CERS6: variants seen among roughly 807,000 people sequenced by gnomAD.
The protein encoded by CERS6 is LAG1 homolog, ceramide synthase 6.
CERS6 carries 26 observed loss-of-function variants against 56.8 expected under a neutral mutation model. The observed-to-expected ratio is 0.46, with a 90% confidence interval of 0.34 to 0.63. CERS6 has a LOEUF of 0.63. Among genes scored for constraint, CERS6 ranks in the 30% least tolerant of loss-of-function variants. The pLI is 0.01. For missense variants in CERS6, 415 were observed against 467.5 expected (o/e 0.89, Z 1.04); for synonymous variants, 164 against 173.3 (o/e 0.95, Z 0.42).
intron 1 of CERS6, among the ~76,000 whole-genome samples, chr2:168,531,117 TGGAAGA>T (rs1695158754): frequency 6.6e-6 from 1 of 152,174 alleles, no homozygotes; most frequent in Non-Finnish European, 1.5e-5. Flanking sequence ...CTGTTTATTC[TGGAAGA>T]GAGAAGAATG....
At chr2:168,588,031 TC>T (rs918073878) in intron 3 of CERS6, among the ~76,000 whole-genome samples, 2 of 151,512 alleles carry the variant, frequency 1.3e-5, no homozygotes, top group African/African-American at 4.9e-5. Context: ...GGCTCAGTGA[TC>T]CTCCGGCCTC....
chr2:168,581,944 T>C (rs1291568650), intron 3 of CERS6, among the ~76,000 whole-genome samples: 9 of 152,180 alleles, frequency 5.9e-5, no homozygotes, highest in Non-Finnish European at 1.3e-4. Context: ...CAGCCCAGGA[T>C]CACCCCAGAC....
intron 3 of CERS6, among the ~76,000 whole-genome samples, chr2:168,618,589 A>G (rs890863831): frequency 2.6e-5 from 4 of 152,204 alleles, no homozygotes; most frequent in Non-Finnish European, 5.9e-5. Context: ...ACCAACAGCG[A>G]CCAAGTGGAG....
At chr2:168,660,737 C>CT (rs1685608526) in intron 4 of CERS6, among the ~76,000 whole-genome samples, 1 of 151,912 alleles carries the variant, frequency 6.6e-6, no homozygotes, top group African/African-American at 2.4e-5. Flanking sequence ...ATCGCATAGT[C>CT]TTTTTTATTA....
chr2:168,752,965 A>G (rs546953504), intron 8 of CERS6, among the ~76,000 whole-genome samples: 1 of 152,364 alleles, frequency 6.6e-6, no homozygotes, highest in South Asian at 2.1e-4. Context: ...AGAAGAATGC[A>G]TCTATACAAA....
At chr2:168,541,120 C>T (rs112050703) in intron 1 of CERS6, among the ~76,000 whole-genome samples, 1 of 151,690 alleles carries the variant, frequency 6.6e-6, no homozygotes, top group Non-Finnish European at 1.5e-5. Flanking sequence ...GTGCCAGGTT[C>T]TTTTAATAAA....
intron 1 of CERS6, among the ~76,000 whole-genome samples, chr2:168,495,153 G>A (rs932862413): frequency 6.6e-6 from 1 of 152,124 alleles, no homozygotes; most frequent in Admixed American, 6.6e-5. Flanking sequence ...AAGAAACATA[G>A]CTTTATACTT....
At chr2:168,538,478 TC>T (rs1315566017) in intron 1 of CERS6, among the ~76,000 whole-genome samples, 1 of 152,214 alleles carries the variant, frequency 6.6e-6, no homozygotes, top group Non-Finnish European at 1.5e-5. Context: ...TTTCCTTACT[TC>T]CTTCAGGGTT....
intron 4 of CERS6, among the ~76,000 whole-genome samples, chr2:168,652,311 C>T (rs146509014): frequency 3.3e-5 from 5 of 152,236 alleles, no homozygotes; most frequent in South Asian, 2.1e-4. Flanking sequence ...AATATTGCCT[C>T]TAAAAATGGA....
At chr2:168,661,623 A>C (rs1259671628) in intron 4 of CERS6, among the ~76,000 whole-genome samples, 2 of 152,202 alleles carry the variant, frequency 1.3e-5, no homozygotes, top group Admixed American at 6.5e-5. Context: ...TTTTCGCTCA[A>C]GATAGAGAAG....
intron 5 of CERS6, among the ~76,000 whole-genome samples, chr2:168,692,872 C>T (rs1686541074): frequency 6.6e-6 from 1 of 151,996 alleles, no homozygotes; most frequent in African/African-American, 2.4e-5. Context: ...AGTCTCTAGC[C>T]TTAAGGGCAC....
intron 3 of CERS6, among the ~76,000 whole-genome samples, chr2:168,612,646 A>G (rs562305115): frequency 7.2e-5 from 11 of 152,362 alleles, no homozygotes; most frequent in Admixed American, 4.6e-4. Context: ...TGGGTTGCCT[A>G]TTGCAGAGAT....
intron 1 of CERS6, among the ~76,000 whole-genome samples, chr2:168,527,310 T>C (rs1695088083): frequency 6.6e-6 from 1 of 152,224 alleles, no homozygotes; most frequent in Non-Finnish European, 1.5e-5. Flanking sequence ...CGTAGACTCC[T>C]TTGTTATTAA....
chr2:168,645,747 G>A (rs1685183753), intron 4 of CERS6, among the ~76,000 whole-genome samples: 1 of 152,056 alleles, frequency 6.6e-6, no homozygotes, highest in Non-Finnish European at 1.5e-5. Context: ...GTGTTCATAA[G>A]TTGTCATCAC....
chr2:168,682,488 G>T (rs1344744413), intron 4 of CERS6, among the ~76,000 whole-genome samples: 4 of 152,090 alleles, frequency 2.6e-5, no homozygotes, highest in African/African-American at 9.7e-5. Context: ...ATATGAATGT[G>T]CCTGTTAACA....
intron 1 of CERS6, among the ~76,000 whole-genome samples, chr2:168,460,647 A>C (rs1032193808): frequency 6.6e-6 from 1 of 152,256 alleles, no homozygotes; most frequent in Non-Finnish European, 1.5e-5. Flanking sequence ...CAAAGATTCT[A>C]TAGAGAAAGC....
intron 6 of CERS6, among the ~76,000 whole-genome samples, chr2:168,714,527 C>G (rs901263177): frequency 6.6e-6 from 1 of 152,222 alleles, no homozygotes; most frequent in African/African-American, 2.4e-5. Flanking sequence ...TCCTAAAGTT[C>G]AAATGCAAGT....
chr2:168,757,133 T>C (rs1018655525), intron 8 of CERS6, among the ~76,000 whole-genome samples: 7 of 152,062 alleles, frequency 4.6e-5, no homozygotes, highest in African/African-American at 1.7e-4. Flanking sequence ...AGAGACGTTA[T>C]AGAGAACCAA....
intron 8 of CERS6, among the ~76,000 whole-genome samples, chr2:168,760,230 T>C (rs1684533410): frequency 6.6e-6 from 1 of 152,192 alleles, no homozygotes; most frequent in Admixed American, 6.5e-5. Flanking sequence ...CACAGTAGGC[T>C]GGCTGCAAGC....
Sources: allele counts gnomAD v4.1 joint callset (sites outside exome capture counted in the v4.1 genomes callset), GRCh38; gene constraint gnomAD v4.1.1; transcripts MANE v1.5; gene names NCBI Gene and HGNC (gene_info 2026-07-23, HGNC 2026-07-21).